SPOPL: variants seen among roughly 807,000 people sequenced by gnomAD.
SPOPL encodes speckle type BTB/POZ protein like.
A neutral mutation model predicts 53.8 loss-of-function variants in SPOPL; 23 were observed. The observed-to-expected ratio is 0.43, with a 90% confidence interval of 0.31 to 0.61. The LOEUF (loss-of-function observed/expected upper bound fraction) is 0.61. SPOPL is among the 20% of genes least tolerant of loss of function. The pLI is 0.12. For missense variants in SPOPL, 442 were observed against 466.9 expected (o/e 0.95, Z 0.49); for synonymous variants, 164 against 149.7 (o/e 1.10, Z -0.70).
At position 138,559,293 on chromosome 2, in the gene SPOPL, G is replaced by A; in HGVS notation, c.670G>A (p.Val224Ile). 1 of 1,612,840 alleles carries A rather than the reference G, an allele frequency of 6.2e-7. No homozygotes were observed. Among genetic ancestry groups the A allele is most frequent in the Non-Finnish European group, 8.5e-7 (1 of 1,179,560 alleles). The change falls in exon 7 of 11, where the codon GTT becomes ATT. Residue 224 changes from valine to isoleucine, a missense_variant. By Grantham distance (29) the Val-to-Ile change is conservative (BLOSUM62 3). Transcript: ENST00000280098. ...HKSVLAARSP[V>I]FNAMFEHEME... ...TAATCTTGTTACAGCTCGATCTCCA[G>A]TTTTTAACGCCATGTTTGAACATGA... is the stretch of plus-strand genomic sequence containing the variant.
intron 8 of SPOPL, among the ~76,000 whole-genome samples, chr2:138,562,544 G>A (rs1434903985): frequency 6.6e-6 from 1 of 151,992 alleles, no homozygotes; most frequent in Non-Finnish European, 1.5e-5. Context: ...GAACACTTTG[G>A]GAGGCCAAAG....
intron 1 of SPOPL, among the ~76,000 whole-genome samples, chr2:138,532,539 G>T (rs1206626185): frequency 2.3e-4 from 33 of 140,748 alleles, no homozygotes; most frequent in Non-Finnish European, 4.1e-4. Flanking sequence ...CCATTCTCCT[G>T]CATCAGCCTC....
intron 3 of SPOPL, 54 bp from the exon 4 acceptor site, chr2:138,550,849 C>CTT (rs3086067): frequency 6.5e-7 from 1 of 1,540,038 alleles, no homozygotes; most frequent in African/African-American, 1.4e-5. Context: ...CTCTCTCTCT[C>CTT]GAATGCTTTT....
Position 138,560,839 on chromosome 2 carries a change from TTTTTAAAG to T in SPOPL, c.750_757del (p.Phe251AsnfsTer14). ...GAAATAAATGATTTAGACCCTGAAG[TTTTTAAAG>T]AAATGATGAGATTCATTTACACAGG... On this transcript the variant is annotated frameshift_variant, in exon 8 of 11. Transcript: ENST00000280098. LOFTEE classifies it high-confidence loss of function. 6.2e-7 allele frequency: 1 copy of T among 1,608,484 alleles called. No individual in the cohort carries two copies. The highest frequency in any genetic ancestry group is 8.5e-7 in the Non-Finnish European group (1 of 1,178,646).
chr2:138,536,470 C>G, intron 1 of SPOPL, among the ~76,000 whole-genome samples: 1 of 152,174 alleles, frequency 6.6e-6, no homozygotes, highest in Admixed American at 6.5e-5. Context: ...TGCCTGACTA[C>G]TCACATCTGT....
At chr2:138,529,405 T>G (rs927625368) in intron 1 of SPOPL, among the ~76,000 whole-genome samples, 2 of 152,114 alleles carry the variant, frequency 1.3e-5, no homozygotes, top group Non-Finnish European at 2.9e-5. Context: ...TTGAATATGT[T>G]TTTGACCACC....
chr2:138,538,522 T>C (rs979159701), intron 1 of SPOPL, among the ~76,000 whole-genome samples: 6 of 152,180 alleles, frequency 3.9e-5, no homozygotes, highest in Non-Finnish European at 7.3e-5. Context: ...GCCACCCAGC[T>C]CTCTTCTGCA....
chr2:138,510,435 T>C (rs752770949), intron 1 of SPOPL, among the ~76,000 whole-genome samples: 4 of 152,220 alleles, frequency 2.6e-5, no homozygotes, highest in Non-Finnish European at 4.4e-5. Flanking sequence ...TATGTCTAGT[T>C]GATTGATAGT....
chr2:138,519,602 T>A (rs1275310271), intron 1 of SPOPL, among the ~76,000 whole-genome samples: 1 of 152,084 alleles, frequency 6.6e-6, no homozygotes, highest in African/African-American at 2.4e-5. Flanking sequence ...AGTTCAGGAC[T>A]GGCCTGGGCA....
At chr2:138,551,839 G>A (rs1685319648) in intron 4 of SPOPL, among the ~76,000 whole-genome samples, 1 of 151,874 alleles carries the variant, frequency 6.6e-6, no homozygotes, top group African/African-American at 2.4e-5. Flanking sequence ...AATACTTTCT[G>A]TAGAGGATCT....
chr2:138,544,950 G>T lies in SPOPL; in HGVS notation c.-60-5207G>T, dbSNP rs1037658231. The stretch of plus-strand genomic sequence containing the variant: ...GCTTTCTAGATTTCCTGGAATATGT[G>T]GGAGCTTTTCAAAGCTTTTATTCCC... On this transcript the variant is annotated intron_variant, in intron 1 of 10. Coordinates refer to ENST00000280098, the MANE Select transcript of SPOPL (RefSeq NM_001001664.3). Among the ~76,000 whole-genome samples, 20 of 152,204 alleles carry T rather than the reference G, an allele frequency of 1.3e-4. 1 individual carries two copies. The highest frequency in any genetic ancestry group is 1.2e-3 in the Admixed American group (18 of 15,284).
chr2:138,554,498 G>A, intron 5 of SPOPL: 2 of 1,289,694 alleles, frequency 1.6e-6, no homozygotes, highest in Non-Finnish European at 2.0e-6. Context: ...CTAAAGAACT[G>A]CCTCCTCCCC....
chr2:138,554,093 T>G (rs1685370663), intron 5 of SPOPL, among the ~76,000 whole-genome samples: 2 of 142,594 alleles, frequency 1.4e-5, no homozygotes, highest in South Asian at 4.4e-4. Context: ...TTTTTAGAAT[T>G]GAAATAGTGT....
intron 1 of SPOPL, among the ~76,000 whole-genome samples, chr2:138,508,731 C>T (rs139739606): frequency 6.6e-6 from 1 of 152,146 alleles, no homozygotes; most frequent in Non-Finnish European, 1.5e-5. Flanking sequence ...CCAGGCTTGT[C>T]TCAAACTCCT....
At chr2:138,560,750 C>A in intron 7 of SPOPL, 55 bp from the exon 8 acceptor site, 1 of 1,535,718 alleles carries the variant, frequency 6.5e-7, no homozygotes, top group African/African-American at 1.4e-5. Context: ...CACTTTGGTT[C>A]ATTTGTGTGT....
At chr2:138,524,533 A>G (rs115565970) in intron 1 of SPOPL, among the ~76,000 whole-genome samples, 2,241 of 152,314 alleles carry the variant, frequency 0.015, 49 homozygotes, top group African/African-American at 0.051. Context: ...AAATTTTCCA[A>G]ACATTTATAC....
intron 1 of SPOPL, among the ~76,000 whole-genome samples, chr2:138,533,225 A>AT (rs1684850110): frequency 6.6e-6 from 1 of 152,204 alleles, no homozygotes; most frequent in South Asian, 2.1e-4. Flanking sequence ...CAAAGCACTG[A>AT]TTCACATTGG....
chr2:138,565,204 G>A (rs1685635151), intron 10 of SPOPL, among the ~76,000 whole-genome samples: 1 of 152,190 alleles, frequency 6.6e-6, no homozygotes, highest in Non-Finnish European at 1.5e-5. Flanking sequence ...GATGGATGCT[G>A]TAATATCTTA....
rs1685798165 is a variant in SPOPL at position 138,572,190 on chromosome 2, A to C, written c.*3110A>C. The C allele has an allele frequency of 6.6e-6, 1 of 152,610 alleles. No homozygotes were observed. Among genetic ancestry groups the C allele is most frequent in the Non-Finnish European group, 1.5e-5 (1 of 68,038 alleles). The allele number at this position is 152,610 out of a possible 1,614,324, so 9.5% of individuals were successfully genotyped here. The stretch of plus-strand genomic sequence containing the variant: ...ACTTTGGAGGACAATTGATTAACAG[A>C]GGAAATGATAATTTTCAAAAATGTG... On this transcript the variant is annotated 3_prime_UTR_variant, in exon 11 of 11. Coordinates refer to ENST00000280098, the MANE Select transcript of SPOPL (RefSeq NM_001001664.3).
Sources: gnomAD v4.1 joint callset for allele counts (sites outside exome capture counted in the v4.1 genomes callset) on GRCh38, gnomAD v4.1.1 for gene constraint, MANE v1.5 for transcripts, NCBI Gene and HGNC (gene_info 2026-07-23, HGNC 2026-07-21) for gene names.